The following CEPT1 variants were observed in gnomAD, a reference collection of about 807,000 sequenced individuals.
CEPT1 encodes choline/ethanolaminephosphotransferase 1.
In CEPT1, 7 loss-of-function variants were observed where a neutral mutation model predicts 42.6. The ratio of observed to expected loss-of-function variants is 0.16; its 90% CI spans 0.09 to 0.31. The LOEUF is 0.31. CEPT1 is among the 10% of genes least tolerant of loss of function. The pLI, the probability that CEPT1 is intolerant of heterozygous loss-of-function variation, is 1.00. For missense variants in CEPT1, 306 were observed against 502.1 expected (o/e 0.61, Z 3.73); for synonymous variants, 171 against 171.9 (o/e 0.99, Z 0.04).
chr1:111,156,736 T>C (rs564795358), intron 2 of CEPT1, among the ~76,000 whole-genome samples: 1 of 152,318 alleles, frequency 6.6e-6, no homozygotes, highest in South Asian at 2.1e-4. Flanking sequence ...TAATAGTTTT[T>C]CTGATGTATC....
At chr1:111,159,728 T>C (rs1655773502) in intron 3 of CEPT1, 1 of 415,680 alleles carries the variant, frequency 2.4e-6, no homozygotes, top group Admixed American at 4.7e-5. Flanking sequence ...CTGCTTGTTA[T>C]TTTTAGCCCC....
At chr1:111,174,693 A>G (rs971948293) in intron 4 of CEPT1, among the ~76,000 whole-genome samples, 186 bp from the exon 5 acceptor site, 11 of 152,230 alleles carry the variant, frequency 7.2e-5, no homozygotes, top group South Asian at 2.1e-4. Context: ...AATTAAATTA[A>G]AAGGCTTTGG....
Sources: allele counts gnomAD v4.1 joint callset (sites outside exome capture counted in the v4.1 genomes callset), GRCh38; gene constraint gnomAD v4.1.1; transcripts MANE v1.5; gene names NCBI Gene and HGNC (gene_info 2026-07-23, HGNC 2026-07-21).